CEP128: variants seen among roughly 807,000 people sequenced by gnomAD.
CEP128 encodes centrosomal protein 128.
In CEP128, 132 loss-of-function variants were observed where a neutral mutation model predicts 156.7. The ratio of observed to expected loss-of-function variants is 0.84; its 90% confidence interval spans 0.73 to 0.97. The LOEUF (loss-of-function observed/expected upper bound fraction) is 0.97, where lower values mean the gene tolerates loss of function less well. Among genes scored for constraint, CEP128 ranks in the 50% least tolerant of loss-of-function variants. The pLI is 0.00. For synonymous variants in CEP128, 469 were observed against 448.9 expected (o/e 1.04, Z -0.57); for missense variants, 1,252 against 1,281.9 (o/e 0.98, Z 0.36).
intron 9 of CEP128, among the ~76,000 whole-genome samples, chr14:80,844,259 A>T (rs1246610386): frequency 6.6e-6 from 1 of 152,092 alleles, no homozygotes; most frequent in Non-Finnish European, 1.5e-5. Context: ...AAAAATAGCT[A>T]GGTGGGTATT....
chr14:80,632,765 C>T (rs1894014421), intron 19 of CEP128, among the ~76,000 whole-genome samples: 1 of 151,988 alleles, frequency 6.6e-6, no homozygotes, highest in African/African-American at 2.4e-5. Flanking sequence ...GTAAGCTTCT[C>T]ACGGGTGTAT....
intron 9 of CEP128, among the ~76,000 whole-genome samples, chr14:80,858,136 C>T (rs1041596154): frequency 5.3e-5 from 8 of 151,792 alleles, no homozygotes; most frequent in East Asian, 1.9e-4. Context: ...CACTACCTGA[C>T]TTCAAACTAT....
intron 2 of CEP128, among the ~76,000 whole-genome samples, chr14:80,956,153 T>C (rs1487587114): frequency 6.6e-6 from 1 of 152,246 alleles, no homozygotes; most frequent in Non-Finnish European, 1.5e-5. Flanking sequence ...TGCCTAACCC[T>C]GGTTGAATCT....
chr14:80,480,075 G>A (rs1314726089), intron 14 of CEP128, among the ~76,000 whole-genome samples: 1 of 152,180 alleles, frequency 6.6e-6, no homozygotes, highest in Admixed American at 6.5e-5. Context: ...GGCTGGTGTT[G>A]AGTGTCTGTG....
intron 9 of CEP128, among the ~76,000 whole-genome samples, chr14:80,857,040 G>A (rs1427793391): frequency 6.6e-6 from 1 of 151,766 alleles, no homozygotes; most frequent in Admixed American, 6.6e-5. Context: ...GAGTCACCAT[G>A]CCCAGCCATG....
At chr14:80,855,313 A>AG (rs1433117531) in intron 9 of CEP128, among the ~76,000 whole-genome samples, 1 of 152,200 alleles carries the variant, frequency 6.6e-6, no homozygotes, top group African/African-American at 2.4e-5. Context: ...CCTAAGAATA[A>AG]GAAAAATAAA....
At chr14:80,668,918 G>T (rs1289148903) in intron 19 of CEP128, among the ~76,000 whole-genome samples, 1 of 152,164 alleles carries the variant, frequency 6.6e-6, no homozygotes, top group Non-Finnish European at 1.5e-5. Flanking sequence ...AAGCTCTCTT[G>T]CCTGCCACCA....
At chr14:80,551,404 A>G (rs188551014) in intron 21 of CEP128, among the ~76,000 whole-genome samples, 7 of 152,332 alleles carry the variant, frequency 4.6e-5, no homozygotes, top group African/African-American at 1.7e-4. Context: ...AGCATTAAAT[A>G]TGTTTCCATA....
chr14:80,539,570 T>C (rs1477364007), intron 21 of CEP128, among the ~76,000 whole-genome samples: 2 of 152,204 alleles, frequency 1.3e-5, no homozygotes. Flanking sequence ...GATAATTCTG[T>C]TAACTGTACA....
chr14:80,805,342 CATT>C (rs1420438495), intron 13 of CEP128, among the ~76,000 whole-genome samples: 1 of 152,010 alleles, frequency 6.6e-6, no homozygotes, highest in Admixed American at 6.6e-5. Context: ...GTCATACAGA[CATT>C]ATTTATTTTG....
chr14:80,613,010 T>A (rs1424592519), intron 19 of CEP128, among the ~76,000 whole-genome samples: 118 of 58,406 alleles, frequency 2.0e-3, no homozygotes, highest in Admixed American at 4.7e-3. Flanking sequence ...CCGGCGAATT[T>A]TTTTTTTTTT....
chr14:80,499,496 T>C (rs117069810), intron 24 of CEP128, among the ~76,000 whole-genome samples: 140 of 152,336 alleles, frequency 9.2e-4, no homozygotes, highest in African/African-American at 3.3e-3. Context: ...ATACTAATCC[T>C]TAGATAACAT....
chr14:80,640,116 T>A (rs1894347714), intron 19 of CEP128, among the ~76,000 whole-genome samples: 1 of 152,154 alleles, frequency 6.6e-6, no homozygotes, highest in Non-Finnish European at 1.5e-5. Flanking sequence ...ATGTGAAAGA[T>A]CTCTCTGTGA....
At chr14:80,743,306 C>T (rs1183286612) in intron 18 of CEP128, 39 bp from the exon 19 acceptor site, 1 of 1,323,350 alleles carries the variant, frequency 7.6e-7, no homozygotes, top group Non-Finnish European at 1.1e-6. Context: ...TAAAGAAACT[C>T]AGAAAAGAGC....
At chr14:80,937,072 T>G (rs547607380) in intron 2 of CEP128, among the ~76,000 whole-genome samples, 1 of 152,216 alleles carries the variant, frequency 6.6e-6, no homozygotes, top group South Asian at 2.1e-4. Context: ...AATCACAGTA[T>G]TTTGGGAGGC....
chr14:80,734,034 G>C, intron 19 of CEP128, among the ~76,000 whole-genome samples: 1 of 152,070 alleles, frequency 6.6e-6, no homozygotes, highest in Non-Finnish European at 1.5e-5. Flanking sequence ...CATAAATGCT[G>C]TTCCCTCTGC....
intron 19 of CEP128, among the ~76,000 whole-genome samples, chr14:80,719,236 T>G (rs1897723894): frequency 6.6e-6 from 1 of 152,180 alleles, no homozygotes; most frequent in African/African-American, 2.4e-5. Context: ...CCCCTTAATT[T>G]GCATGTAATT....
intron 19 of CEP128, among the ~76,000 whole-genome samples, chr14:80,722,975 C>T (rs151068453): frequency 0.028 from 4,256 of 151,870 alleles, 84 homozygotes; most frequent in Non-Finnish European, 0.042. Context: ...TACAGGCACC[C>T]GCCACCACAC....
At chr14:80,762,075 C>T (rs1233148867) in intron 16 of CEP128, among the ~76,000 whole-genome samples, 2 of 152,014 alleles carry the variant, frequency 1.3e-5, no homozygotes, top group Non-Finnish European at 2.9e-5. Context: ...CTCACCAAAA[C>T]ATAGCTTTAG....
Sources: allele counts gnomAD v4.1 joint callset (sites outside exome capture counted in the v4.1 genomes callset), GRCh38; gene constraint gnomAD v4.1.1; transcripts MANE v1.5; gene names NCBI Gene and HGNC (gene_info 2026-07-23, HGNC 2026-07-21).